Variants in SLC35F2 observed in about 807,000 individuals in gnomAD.
SLC35F2 encodes the protein queuine/queuosine transporter SLC35F2.
Under a neutral mutation model 38.1 loss-of-function variants are expected in SLC35F2, and 25 were observed. That is an observed-to-expected ratio of 0.66 (90% confidence interval 0.48 to 0.92). SLC35F2 has a LOEUF of 0.92. SLC35F2 is among the 40% of genes least tolerant of loss of function. The pLI is 0.00. For synonymous variants in SLC35F2, 173 were observed against 181.7 expected, an observed-to-expected ratio of 0.95 and a Z score of 0.38; for missense variants, 409 against 452.9, an observed-to-expected ratio of 0.90 and a Z score of 0.88.
chr11:107,802,862 G>A, intron 7 of SLC35F2, 139 bp downstream of exon 7: 1 of 786,556 alleles, frequency 1.3e-6, no homozygotes, highest in East Asian at 2.9e-5. Flanking sequence ...TTCAGAAGCA[G>A]CAAAGGGAGG....
At chr11:107,806,990 T>A in intron 3 of SLC35F2, 114 bp from the exon 4 acceptor site, 1 of 914,956 alleles carries the variant, frequency 1.1e-6, no homozygotes, top group Non-Finnish European at 1.6e-6. Flanking sequence ...TTATTGAGCA[T>A]TTATTATTGC....
intron 1 of SLC35F2, among the ~76,000 whole-genome samples, chr11:107,831,183 A>C (rs959576496): frequency 3.9e-5 from 6 of 152,250 alleles, no homozygotes; most frequent in Non-Finnish European, 8.8e-5. Flanking sequence ...AGTAGGAACA[A>C]ATGGATTACA....
intron 1 of SLC35F2, among the ~76,000 whole-genome samples, chr11:107,834,598 C>T (rs943777871): frequency 1.3e-5 from 2 of 152,056 alleles, no homozygotes; most frequent in African/African-American, 2.4e-5. Flanking sequence ...TGCAGTGAGC[C>T]GAGATCGCGC....
chr11:107,815,769 T>C, intron 2 of SLC35F2, 21 bp downstream of exon 2: 2 of 1,569,482 alleles, frequency 1.3e-6, no homozygotes, highest in Non-Finnish European at 1.7e-6. Flanking sequence ...GTTGAAAAGA[T>C]AATTTCCACA....
intron 3 of SLC35F2, among the ~76,000 whole-genome samples, chr11:107,807,659 G>A (rs1859419023): frequency 6.6e-6 from 1 of 151,690 alleles, no homozygotes; most frequent in Non-Finnish European, 1.5e-5. Flanking sequence ...TGCAACCTCT[G>A]CCTCTCGGGT....
intron 1 of SLC35F2, among the ~76,000 whole-genome samples, chr11:107,850,182 G>C (rs1173823938): frequency 3.3e-5 from 5 of 152,098 alleles, no homozygotes; most frequent in African/African-American, 1.2e-4. Flanking sequence ...CCTCTACCTA[G>C]AGGGACTCAG....
intron 3 of SLC35F2, chr11:107,809,700 T>C (rs747554839): frequency 1.2e-4 from 117 of 982,796 alleles, no homozygotes; most frequent in Non-Finnish European, 1.4e-4. Context: ...TCAATTTTAT[T>C]TTTAAAAATT....
rs1460687187 is a variant in SLC35F2, at chr11:107,811,635, A to G, written c.414+32T>C. On this transcript the variant is annotated intron_variant, in intron 3 of 7. Transcript: ENST00000525815. ...TTCGTGTTCTTCTTTTGAAGCTATA[A>G]AATCCAAAGTGGTCAGAGGGCTCCC... 5.8e-6 allele frequency: 9 copies of G among 1,563,382 alleles called. No individual in the cohort carries two copies. The African/African-American group carries it at 6.9e-5, about 12-fold the overall frequency.
At chr11:107,795,020 T>G (rs763746219) in intron 7 of SLC35F2, among the ~76,000 whole-genome samples, 14 of 152,100 alleles carry the variant, frequency 9.2e-5, no homozygotes, top group Non-Finnish European at 1.8e-4. Context: ...TAAGGAAAGC[T>G]ACAAAACCCT....
chr11:107,858,583 C>G, intron 1 of SLC35F2, 75 bp downstream of exon 1: 1 of 1,214,994 alleles, frequency 8.2e-7, no homozygotes, highest in Non-Finnish European at 1.0e-6. Flanking sequence ...AGAGTGTGCT[C>G]CTTGTCCACG....
At chr11:107,848,195 C>T (rs1236952273) in intron 1 of SLC35F2, among the ~76,000 whole-genome samples, 1 of 151,828 alleles carries the variant, frequency 6.6e-6, no homozygotes, top group Non-Finnish European at 1.5e-5. Flanking sequence ...TAAAATGGTA[C>T]ATTTTATGTT....
intron 4 of SLC35F2, among the ~76,000 whole-genome samples, chr11:107,805,850 C>T (rs61066346): frequency 0.15 from 22,946 of 152,088 alleles, 2,810 homozygotes; most frequent in East Asian, 0.43. Flanking sequence ...CTAATTTTTG[C>T]ATTTGTACTG....
intron 1 of SLC35F2, chr11:107,821,696 G>T: frequency 1.2e-6 from 1 of 844,852 alleles, no homozygotes; most frequent in Non-Finnish European, 1.4e-6. Context: ...ATCTGACCTT[G>T]GGATATATCC....
chr11:107,802,937 G>C, intron 7 of SLC35F2, 64 bp downstream of exon 7: 1 of 1,464,670 alleles, frequency 6.8e-7, no homozygotes, highest in Non-Finnish European at 9.1e-7. Context: ...GAGTCTTGAA[G>C]AAACCTGCTA....
chr11:107,819,004 G>A (rs1051365614), intron 1 of SLC35F2, among the ~76,000 whole-genome samples: 5 of 152,152 alleles, frequency 3.3e-5, no homozygotes, highest in African/African-American at 1.2e-4. Context: ...GGTGGTTATA[G>A]ATATGCTGAG....
At chr11:107,811,524 T>G in intron 3 of SLC35F2, 143 bp downstream of exon 3, 3 of 747,582 alleles carry the variant, frequency 4.0e-6, no homozygotes, top group Non-Finnish European at 6.3e-6. Context: ...TTAGAGCATA[T>G]GCTCTACTAG....
intron 1 of SLC35F2, among the ~76,000 whole-genome samples, chr11:107,838,316 A>T: frequency 6.6e-6 from 1 of 151,988 alleles, no homozygotes; most frequent in Non-Finnish European, 1.5e-5. Context: ...CTTATATATG[A>T]TGTTTCTTTT....
At chr11:107,836,589 A>G (rs1367813573) in intron 1 of SLC35F2, among the ~76,000 whole-genome samples, 2 of 152,228 alleles carry the variant, frequency 1.3e-5, no homozygotes, top group African/African-American at 4.8e-5. Context: ...AGGCTCAGAG[A>G]GATGCAACGT....
intron 1 of SLC35F2, among the ~76,000 whole-genome samples, chr11:107,844,463 A>G (rs1423524150): frequency 6.6e-6 from 1 of 151,570 alleles, no homozygotes; most frequent in East Asian, 1.9e-4. Context: ...TCTCTCTACT[A>G]AAAATACAAA....
Sources: gnomAD v4.1 joint callset for allele counts (sites outside exome capture counted in the v4.1 genomes callset) on GRCh38, gnomAD v4.1.1 for gene constraint, MANE v1.5 for transcripts, NCBI Gene and HGNC (gene_info 2026-07-23, HGNC 2026-07-21) for gene names.